Variants in HSD17B3 observed in about 807,000 individuals in gnomAD.
HSD17B3 encodes the protein hydroxysteroid 17-beta dehydrogenase 3.
In HSD17B3, 29 loss-of-function variants were observed where a neutral mutation model predicts 41.1. The ratio of observed to expected loss-of-function variants is 0.71; its 90% CI spans 0.53 to 0.96. HSD17B3 has a LOEUF of 0.96. HSD17B3 is among the 40% of genes least tolerant of loss of function. The probability of loss-of-function intolerance (pLI) is 0.00; values close to 1 mark genes in which losing one functional copy is unlikely to be tolerated. For missense variants in HSD17B3, 323 were observed against 374.6 expected (o/e 0.86, Z 1.14); for synonymous variants, 126 against 145.6 (o/e 0.87, Z 0.97).
chr9:96,248,149 A>C (rs184127917), intron 6 of HSD17B3, among the ~76,000 whole-genome samples: 41 of 152,310 alleles, frequency 2.7e-4, no homozygotes, highest in Admixed American at 1.6e-3. Context: ...AACGTGAAAG[A>C]CTTTAGTGGT....
intron 10 of HSD17B3, among the ~76,000 whole-genome samples, chr9:96,238,574 A>G (rs542156363): frequency 6.6e-6 from 1 of 152,278 alleles, no homozygotes; most frequent in East Asian, 1.9e-4. Context: ...AGGCAGGAGA[A>G]TCGCTGGAAC....
chr9:96,261,209 T>TCTGCTGCCAAGGACTAGGA (rs59580445), intron 2 of HSD17B3, among the ~76,000 whole-genome samples: 1 of 151,428 alleles, frequency 6.6e-6, no homozygotes, highest in Non-Finnish European at 1.5e-5. Context: ...GATGGAGCCT[T>TCTGCTGCCAAGGACTAGGA]CTGCTGCCAA....
At chr9:96,278,568 C>A (rs999614495) in intron 2 of HSD17B3, among the ~76,000 whole-genome samples, 1 of 151,898 alleles carries the variant, frequency 6.6e-6, no homozygotes, top group Admixed American at 6.6e-5. Flanking sequence ...GTGGGGCCAC[C>A]CTGCTTGTGT....
intron 2 of HSD17B3, among the ~76,000 whole-genome samples, chr9:96,266,308 T>G (rs1269838420): frequency 6.6e-6 from 1 of 152,176 alleles, no homozygotes; most frequent in Non-Finnish European, 1.5e-5. Context: ...AGTCTCACTC[T>G]GTTACCCAGG....
At chr9:96,250,553 T>C (rs866934612) in intron 5 of HSD17B3, 1 of 855,670 alleles carries the variant, frequency 1.2e-6, no homozygotes, top group African/African-American at 1.8e-5. Flanking sequence ...ACTCCAAAGG[T>C]CAGGGCCTAA....
intron 3 of HSD17B3, among the ~76,000 whole-genome samples, chr9:96,253,771 T>A (rs1343306195): frequency 6.6e-6 from 1 of 152,190 alleles, no homozygotes; most frequent in Non-Finnish European, 1.5e-5. Context: ...CCAAAGACAC[T>A]ACTTGCTTTT....
chr9:96,256,469 A>G (rs1825664638), intron 2 of HSD17B3: 1 of 152,118 alleles, frequency 6.6e-6, no homozygotes, highest in African/African-American at 2.4e-5. Context: ...CCCTGTCTCT[A>G]CTAAAAACAC....
chr9:96,261,934 C>T (rs1825876136), intron 2 of HSD17B3, among the ~76,000 whole-genome samples: 1 of 152,186 alleles, frequency 6.6e-6, no homozygotes, highest in Admixed American at 6.5e-5. Flanking sequence ...ATCACAGGTT[C>T]AGCACTTGGA....
chr9:96,295,532 AC>A (rs1284794527), intron 2 of HSD17B3, among the ~76,000 whole-genome samples: 2 of 150,848 alleles, frequency 1.3e-5, no homozygotes, highest in African/African-American at 4.9e-5. Flanking sequence ...ACGGAGTTTC[AC>A]CATGTTGGCC....
chr9:96,269,493 T>C (rs776532566), intron 2 of HSD17B3, among the ~76,000 whole-genome samples: 6 of 152,182 alleles, frequency 3.9e-5, no homozygotes, highest in Non-Finnish European at 8.8e-5. Context: ...ATTGGAATGC[T>C]GTAGTAGAAT....
At chr9:96,249,009 G>A (rs962347946) in intron 6 of HSD17B3, among the ~76,000 whole-genome samples, 73 of 151,958 alleles carry the variant, frequency 4.8e-4, no homozygotes, top group Admixed American at 1.9e-3. Flanking sequence ...TGGTTCAGGC[G>A]ATTCTCCTGC....
intron 2 of HSD17B3, among the ~76,000 whole-genome samples, chr9:96,267,156 CA>C (rs1446152514): frequency 3.5e-5 from 3 of 86,824 alleles, no homozygotes; most frequent in Admixed American, 2.3e-4. Context: ...CAAAAGACAA[CA>C]TTTTTTTTTT....
intron 2 of HSD17B3, among the ~76,000 whole-genome samples, chr9:96,265,582 G>A (rs1290739239): frequency 6.6e-6 from 1 of 152,154 alleles, no homozygotes; most frequent in African/African-American, 2.4e-5. Context: ...TTAAGATCTA[G>A]CTTTATGGTA....
intron 2 of HSD17B3, among the ~76,000 whole-genome samples, chr9:96,282,648 G>C (rs1211789047): frequency 1.3e-5 from 2 of 152,210 alleles, no homozygotes; most frequent in Non-Finnish European, 2.9e-5. Flanking sequence ...CTTGGCACAT[G>C]ATTAAAATTG....
chr9:96,272,757 T>C (rs567831279), intron 2 of HSD17B3, among the ~76,000 whole-genome samples: 2 of 152,098 alleles, frequency 1.3e-5, no homozygotes, highest in East Asian at 1.9e-4. Context: ...TAAAAAGCTA[T>C]ATATGAAAGT....
chr9:96,254,903 G>T lies in HSD17B3; in HGVS notation c.242C>A (p.Thr81Lys). ...GGCAATGGCCTCTAGTTTTTCCAGC[G>T]TCCGGCTAATAAGGACAACATTGAG... ...RGLNVVLISR[T>K]LEKLEAIATE... Residue 81 changes from threonine (T) to lysine (K), a missense_variant, in exon 3 of 11, where the codon ACG (threonine) becomes AAG (lysine). Coordinates refer to ENST00000375263, the MANE Select transcript of HSD17B3 (RefSeq NM_000197.2). 1 of 1,614,036 alleles carries T rather than the reference G, an allele frequency of 6.2e-7. No individual in the cohort carries two copies. Among genetic ancestry groups the T allele is most frequent in the Non-Finnish European group, 8.5e-7 (1 of 1,180,000 alleles).
intron 2 of HSD17B3, among the ~76,000 whole-genome samples, chr9:96,260,609 C>T (rs1367123118): frequency 1.3e-5 from 2 of 152,050 alleles, no homozygotes; most frequent in Admixed American, 1.3e-4. Flanking sequence ...TAAAAAAATA[C>T]AAAAATTAGC....
intron 7 of HSD17B3, among the ~76,000 whole-genome samples, chr9:96,245,637 A>G (rs1836633564): frequency 6.6e-6 from 1 of 152,162 alleles, no homozygotes; most frequent in Non-Finnish European, 1.5e-5. Context: ...TTTCCGCCGC[A>G]CAGTGATGCC....
rs1199705437 is a variant in HSD17B3, at chr9:96,272,405, CTATATATATATA to C, written c.202-17474_202-17463del. On this transcript the variant is annotated intron_variant, in intron 2 of 10. Transcript: ENST00000375263. ...TCTCTCTCTCTCTCTCTCTCTCTCT[CTATATATATATA>C]TATATATATATATATATATATATAT... Among the ~76,000 whole-genome samples, 30 of 21,536 alleles carry C rather than the reference CTATATATATATA, an allele frequency of 1.4e-3. 1 individual carries two copies. Among genetic ancestry groups the C allele is most frequent in the East Asian group, 6.6e-3 (3 of 456 alleles). 14.1% of individuals were successfully genotyped at this position (21,536 alleles called of 152,430 possible).
Sources: allele counts gnomAD v4.1 joint callset (sites outside exome capture counted in the v4.1 genomes callset), GRCh38; gene constraint gnomAD v4.1.1; transcripts MANE v1.5; gene names NCBI Gene and HGNC (gene_info 2026-07-23, HGNC 2026-07-21).